Variants in CGN observed in about 807,000 individuals in gnomAD.
CGN encodes the protein cingulin.
A neutral mutation model predicts 157.1 loss-of-function variants in CGN; 121 were observed. The ratio of observed to expected loss-of-function variants is 0.77; its 90% CI spans 0.66 to 0.90. The LOEUF (loss-of-function observed/expected upper bound fraction) is 0.90. CGN is among the 40% of genes least tolerant of loss of function. CGN has a pLI of 0.00. For missense variants in CGN, 1,424 were observed against 1,520.9 expected, an observed-to-expected ratio of 0.94 and a Z score of 1.06; for synonymous variants, 535 against 607.5, an observed-to-expected ratio of 0.88 and a Z score of 1.76.
chr1:151,513,124 T>TC lies in CGN; in HGVS notation c.-15+1611dup, dbSNP rs1477405236. On this transcript the variant is annotated intron_variant, in intron 1 of 20. Transcript: ENST00000271636. ...TGTTCCCTCCCTGCCCTCTGTCCTC[T>TC]CCTTCAGAGCTTTGGCTTTGCCATC... Among the ~76,000 whole-genome samples the TC allele has an allele frequency of 2.0e-5, 3 of 152,238 alleles. No homozygotes were observed. The East Asian group carries it at 5.8e-4, about 29-fold the overall frequency.
Position 151,520,646 on chromosome 1 carries a change from C to T in CGN, c.1095C>T (p.Thr365=), listed in dbSNP as rs768039445. Residue 365 remains threonine (T), a synonymous_variant, in exon 5 of 21, where the codon ACC becomes ACT. Transcript: ENST00000271636. ...TKAVAGQGEL[T]RKVEELQRKL... Reference sequence around the variant, plus strand: ...CCGTGGCAGGGCAGGGTGAGCTTACCCGAAAAGTGGAGGAGCTACAGCGAA... The same window carrying T: ...CCGTGGCAGGGCAGGGTGAGCTTACTCGAAAAGTGGAGGAGCTACAGCGAA... The T allele has an allele frequency of 5.0e-6, 8 of 1,614,124 alleles. 1 individual carries two copies. The South Asian group carries it at 8.8e-5, about 18-fold the overall frequency.
At chr1:151,511,230 C>A (rs1664276382), upstream of CGN, among the ~76,000 whole-genome samples, 1 of 152,212 alleles carries the variant, frequency 6.6e-6, no homozygotes, top group Non-Finnish European at 1.5e-5. The surrounding 1 kb of genome is among the most constrained non-coding windows in gnomAD (Gnocchi z 4.8). Flanking sequence ...GCCCGCCCTT[C>A]GCGGCTGGAG....
chr1:151,519,124 GGATGCTACC>G lies in CGN; in HGVS notation c.606_614del (p.Met203_Pro205del), dbSNP rs770226846. The G allele has an allele frequency of 2.0e-5, 32 of 1,614,082 alleles. No individual in the cohort carries two copies. Among genetic ancestry groups the G allele is most frequent in the Middle Eastern group, 3.3e-4 (2 of 6,060 alleles). On this transcript the variant is annotated inframe_deletion, in exon 2 of 21. Coordinates refer to ENST00000271636, the MANE Select transcript of CGN (RefSeq NM_020770.3). ...CGGGGTCGGACTGGCCGCCGAACAC[GGATGCTACC>G]CCCTGAACAGCGCAAACGGAGCAAG... is the stretch of plus-strand genomic sequence containing the variant.
rs189633936 is a variant in CGN at position 151,511,810 on chromosome 1, G to A, written c.-15+295G>A. Among the ~76,000 whole-genome samples, 22 of 152,322 alleles carry A rather than the reference G, an allele frequency of 1.4e-4. No individual in the cohort carries two copies. The East Asian group carries it at 3.3e-3, about 23-fold the overall frequency. ...CGCCAGATGTCTCTGGAGGTCAGAC[G>A]CCAGCCCTAGGGGCAGAATTTCTCT... On this transcript the variant is annotated intron_variant, in intron 1 of 20. Coordinates refer to ENST00000271636, the MANE Select transcript of CGN (RefSeq NM_020770.3). This position sits in a 1 kb window ranked among gnomAD's most constrained non-coding sequence, Gnocchi z 4.8.
intron 1 of CGN, among the ~76,000 whole-genome samples, chr1:151,518,225 G>A (rs1310813904): frequency 6.6e-6 from 1 of 152,194 alleles, no homozygotes; most frequent in African/African-American, 2.4e-5. Flanking sequence ...TTTTAGGTTA[G>A]TGAGTCTCAA....
intron 10 of CGN, chr1:151,527,948 ATATTTTT>A (rs1664727353): frequency 3.3e-5 from 4 of 121,078 alleles, no homozygotes; most frequent in South Asian, 5.5e-4. Flanking sequence ...ATATATATAT[ATATTTTT>A]TTTTTTTTTT....
rs78379535 is a variant in CGN at position 151,513,540 on chromosome 1, A to T, written c.-15+2025A>T. ...TTCCTCTGAGGGGATTCTAATCTCT[A>T]TACCTCAAGTTCTCCCGTTTTCTAA... On this transcript the variant is annotated intron_variant, in intron 1 of 20. Coordinates refer to ENST00000271636, the MANE Select transcript of CGN (RefSeq NM_020770.3). Among the ~76,000 whole-genome samples the T allele has an allele frequency of 9.3e-3, 1,420 of 152,286 alleles. 20 individuals carry two copies. Among genetic ancestry groups the T allele is most frequent in the African/African-American group, 0.033 (1,361 of 41,526 alleles).
At chr1:151,511,119 C>A (rs1290565516), upstream of CGN, 1 of 152,278 alleles carries the variant, frequency 6.6e-6, no homozygotes, top group Non-Finnish European at 1.5e-5. This position sits in a 1 kb window ranked among gnomAD's most constrained non-coding sequence, Gnocchi z 4.8. Context: ...GGGATCTTGG[C>A]CGGCGGTCAC....
Position 151,525,671 on chromosome 1 carries a change from G to A in CGN, c.1644G>A (p.Gln548=), listed in dbSNP as rs1664659208. The A allele has an allele frequency of 1.2e-6, 2 of 1,609,060 alleles. No individual in the cohort carries two copies. The highest frequency in any genetic ancestry group is 1.1e-5 in the South Asian group (1 of 90,776). ...QDHAVLEAER[Q]KMSALVRGLQ... ...ATGCAGTGCTGGAGGCCGAGAGGCA[G>A]AAGATGTCAGCCCTTGTGCGAGGGC... The change falls in exon 9 of 21, where the codon CAG becomes CAA. Residue 548 remains glutamine, a synonymous_variant. Coordinates refer to ENST00000271636, the MANE Select transcript of CGN (RefSeq NM_020770.3).
intron 1 of CGN, among the ~76,000 whole-genome samples, chr1:151,512,861 C>A (rs1251669074): frequency 6.6e-6 from 1 of 152,228 alleles, no homozygotes; most frequent in Non-Finnish European, 1.5e-5. Flanking sequence ...TTCCTAGAAC[C>A]CTTCCTGTGT....
Position 151,529,850 on chromosome 1 carries a change from C to T in CGN, c.2107-59C>T, listed in dbSNP as rs936477798. On this transcript the variant is annotated intron_variant, in intron 11 of 20. Transcript: ENST00000271636. ...TGGGTGTGGTCAATGGCCCCAAGCC[C>T]TGGGGTCTGAGCTGCCACGCCCTGG... The T allele has an allele frequency of 4.0e-6, 6 of 1,512,940 alleles. No homozygotes were observed. The African/African-American group carries it at 5.5e-5, about 14-fold the overall frequency. The allele number at this position is 1,512,940 out of a possible 1,614,324, so 93.7% of individuals were successfully genotyped here.
chr1:151,531,228 C>G (rs961965111), intron 13 of CGN, among the ~76,000 whole-genome samples: 4 of 152,078 alleles, frequency 2.6e-5, no homozygotes, highest in African/African-American at 7.2e-5. Context: ...GAAGGGGCAT[C>G]CTTCCTACCT....
intron 11 of CGN, 139 bp downstream of exon 11, chr1:151,529,698 G>A: frequency 6.7e-6 from 6 of 896,394 alleles, no homozygotes; most frequent in Non-Finnish European, 1.7e-6. Context: ...GTTCAAAGAA[G>A]CCAGGATTTG....
At chr1:151,535,949 C>T (rs2102504694) in intron 18 of CGN, 51 bp downstream of exon 18, 1 of 1,443,036 alleles carries the variant, frequency 6.9e-7, no homozygotes, top group East Asian at 2.3e-5. Context: ...CTTCCTCCCT[C>T]CCTCTTGGCT....
Position 151,537,360 on chromosome 1 carries a change from A to G in CGN, c.*14A>G. On this transcript the variant is annotated 3_prime_UTR_variant, in exon 21 of 21. Transcript: ENST00000271636. ...AGCTCCTGTTAGCTCGTGGTCCTCAAGGACTCAGAAACCAGGCTCGAGGCC... is the reference window on the plus strand; with the variant it reads ...AGCTCCTGTTAGCTCGTGGTCCTCAGGGACTCAGAAACCAGGCTCGAGGCC... The G allele has an allele frequency of 6.2e-7, 1 of 1,610,100 alleles. No homozygotes were observed. The highest frequency in any genetic ancestry group is 8.5e-7 in the Non-Finnish European group (1 of 1,177,650).
In CGN at chr1:151,522,848, A is replaced by AGGTTGC. The variant is rs553336453; in HGVS notation, c.1141-582_1141-577dup. On this transcript the variant is annotated intron_variant, in intron 5 of 20. Transcript: ENST00000271636. ...AGAATTGCTTGAACCCGGGAGGTGG[A>AGGTTGC]GGTTGCGGTGAGCTGAGATCTCGCC... Among the ~76,000 whole-genome samples, 87 of 151,936 alleles carry AGGTTGC rather than the reference A, an allele frequency of 5.7e-4. 1 individual carries two copies. In the East Asian group the frequency reaches 0.012, roughly 21 times the overall value.
At chr1:151,521,659 A>G (rs1664543925) in intron 5 of CGN, among the ~76,000 whole-genome samples, 1 of 151,852 alleles carries the variant, frequency 6.6e-6, no homozygotes, top group Non-Finnish European at 1.5e-5. Context: ...ACCAACATGG[A>G]GAAATCCTGT....
rs765506857 is a variant in CGN at position 151,518,493 on chromosome 1, C to G, written c.-14-13C>G. The stretch of plus-strand genomic sequence containing the variant: ...GAAGTCTCTCAGCCTAAACTCATTT[C>G]TTCATCTTCTAGGACTCCTCCTATT... On this transcript the variant is annotated splice_polypyrimidine_tract_variant and intron_variant, in intron 1 of 20. Transcript: ENST00000271636. 1.3e-6 allele frequency: 2 copies of G among 1,567,854 alleles called. No homozygotes were observed. The highest frequency in any genetic ancestry group is 1.2e-5 in the South Asian group (1 of 85,764).
chr1:151,524,081 C>T lies in CGN; in HGVS notation c.1269-145C>T, dbSNP rs145872413. 1.8e-3 allele frequency: 1,264 copies of T among 687,514 alleles called. 11 individuals carry two copies. In the African/African-American group the frequency reaches 0.019, roughly 10 times the overall value. The allele number at this position is 687,514 out of a possible 1,614,324, so 42.6% of individuals were successfully genotyped here. ...GCAGATCAGGAGGGCCAGGTTGTAG[C>T]GGGGCAGGTTGCAAAAATCAGGGGA... is the stretch of plus-strand genomic sequence containing the variant. On this transcript the variant is annotated intron_variant, in intron 6 of 20. Coordinates refer to ENST00000271636, the MANE Select transcript of CGN (RefSeq NM_020770.3). This position sits in a 1 kb window ranked among gnomAD's most constrained non-coding sequence, Gnocchi z 4.4.
Sources: gnomAD v4.1 joint callset for allele counts (sites outside exome capture counted in the v4.1 genomes callset) on GRCh38, gnomAD v4.1.1 for gene constraint, Gnocchi (gnomAD v3.1) non-coding constraint, MANE v1.5 for transcripts, NCBI Gene and HGNC (gene_info 2026-07-23, HGNC 2026-07-21) for gene names.